ANOS1: variants seen among roughly 807,000 people sequenced by gnomAD.
ANOS1 encodes the protein anosmin 1, also known as anosmin-1.
Under a neutral mutation model 59.0 loss-of-function variants are expected in ANOS1, and 6 were observed. The observed-to-expected ratio is 0.10, with a 90% CI of 0.06 to 0.20. ANOS1 has a LOEUF of 0.20. ANOS1 is among the 10% of genes least tolerant of loss of function. ANOS1 has a pLI of 1.00. For synonymous variants in ANOS1, 217 were observed against 223.4 expected (o/e 0.97, Z 0.25); for missense variants, 433 against 542.3 (o/e 0.80, Z 2.00).
chrX:8,721,830 T>C (rs1014524745), intron 1 of ANOS1, among the ~76,000 whole-genome samples: 2 of 112,625 alleles, frequency 1.8e-5, no homozygotes, highest in African/African-American at 6.5e-5. Flanking sequence ...GGCTATTTAT[T>C]CCTTCTCTAA....
At chrX:8,664,211 G>A (rs757244417) in intron 2 of ANOS1, among the ~76,000 whole-genome samples, 1 of 112,008 alleles carries the variant, frequency 8.9e-6, no homozygotes, top group African/African-American at 3.2e-5. Context: ...TGTTTTCTGA[G>A]ATGGAGTCTC....
At chrX:8,729,135 C>A (rs925808330) in intron 1 of ANOS1, among the ~76,000 whole-genome samples, 3 of 111,705 alleles carry the variant, frequency 2.7e-5, no homozygotes, top group Non-Finnish European at 5.6e-5. Flanking sequence ...CAAGGCCTGA[C>A]AGCTTTCATA....
rs2229013 is a variant in ANOS1, at chrX:8,535,755, C to T, written c.1678G>A (p.Val560Ile). ...TGACCGGTGATGTTCACATCCTGGACGATGAATGAAGCAGAAAGGTTCTCA... is the reference window on the plus strand; with the variant it reads ...TGACCGGTGATGTTCACATCCTGGATGATGAATGAAGCAGAAAGGTTCTCA... Reference protein sequence around the residue: ...KPENLSASFIVQDVNITGHFS... With the variant: ...KPENLSASFIIQDVNITGHFS... The change falls in exon 12 of 14, where the codon GTC (valine) becomes ATC (isoleucine). Residue 560 changes from valine (V) to isoleucine (I), a missense_variant. Val to Ile is a conservative substitution (Grantham distance 29). Transcript: ENST00000262648. The T allele has an allele frequency of 2.2e-4, 266 of 1,210,346 alleles. No individual in the cohort carries two copies. In the East Asian group the frequency reaches 7.0e-3, roughly 32 times the overall value.
At chrX:8,682,220 C>T (rs1435223356) in intron 2 of ANOS1, among the ~76,000 whole-genome samples, 1 of 109,072 alleles carries the variant, frequency 9.2e-6, no homozygotes, top group Non-Finnish European at 1.9e-5. Context: ...CAAAAAACTA[C>T]AAGTCATGGC....
intron 2 of ANOS1, among the ~76,000 whole-genome samples, chrX:8,645,073 T>C (rs949861400): frequency 8.9e-6 from 1 of 112,742 alleles, no homozygotes; most frequent in African/African-American, 3.2e-5. Context: ...CCAATACTTA[T>C]TGGTTTACAA....
rs5978913 is a variant in ANOS1, at chrX:8,601,180, C to T, written c.319-3924G>A. The stretch of plus-strand genomic sequence containing the variant: ...TGCACTCCAGCCTGGGCAACCAAAG[C>T]GAGACTTTGTCTCAAAAAAAAAAAA... On this transcript the variant is annotated intron_variant, in intron 3 of 13. Coordinates refer to ENST00000262648, the MANE Select transcript of ANOS1 (RefSeq NM_000216.4). 3.0e-4 allele frequency among the ~76,000 whole-genome samples: 26 copies of T among 87,545 alleles called. No homozygotes were observed. The East Asian group carries it at 4.3e-3, about 15-fold the overall frequency. 76.0% of individuals were successfully genotyped at this position (87,545 alleles called of 115,157 possible).
intron 7 of ANOS1, among the ~76,000 whole-genome samples, 185 bp from the exon 8 acceptor site, chrX:8,568,561 C>T (rs1279790234): frequency 9.0e-6 from 1 of 110,750 alleles, no homozygotes; most frequent in Non-Finnish European, 1.9e-5. Flanking sequence ...AGGCCAGGTG[C>T]GGTGGCTCCT....
intron 3 of ANOS1, among the ~76,000 whole-genome samples, chrX:8,609,146 T>C (rs1019030035): frequency 8.9e-6 from 1 of 111,974 alleles, no homozygotes; most frequent in Non-Finnish European, 1.9e-5. Context: ...TATTGGCATC[T>C]AGTGGGTATG....
At chrX:8,581,839 T>C (rs1930430809) in intron 6 of ANOS1, among the ~76,000 whole-genome samples, 1 of 112,395 alleles carries the variant, frequency 8.9e-6, no homozygotes, top group African/African-American at 3.2e-5. Context: ...ATTTACTGTG[T>C]TGTGTAACTA....
At chrX:8,656,894 G>A (rs1422753498) in intron 2 of ANOS1, among the ~76,000 whole-genome samples, 2 of 111,915 alleles carry the variant, frequency 1.8e-5, no homozygotes, top group Non-Finnish European at 3.8e-5. Context: ...AGAGAGATCT[G>A]TTGTCCCTAC....
intron 2 of ANOS1, among the ~76,000 whole-genome samples, chrX:8,659,229 TAA>T (rs57477012): frequency 4.2e-5 from 4 of 95,520 alleles, no homozygotes; most frequent in East Asian, 3.5e-4. Context: ...TCTGTCTCAA[TAA>T]AAAAAAAAAA....
intron 2 of ANOS1, among the ~76,000 whole-genome samples, chrX:8,628,217 T>TGTCCAGAAGCTACCCTATATG (rs1931428702): frequency 8.9e-6 from 1 of 111,862 alleles, no homozygotes; most frequent in African/African-American, 3.3e-5. Context: ...GCCATGGCAA[T>TGTCCAGAAGCTACCCTATATG]GTCCAGAAGC....
chrX:8,659,112 A>T (rs959362763), intron 2 of ANOS1, among the ~76,000 whole-genome samples: 2 of 110,982 alleles, frequency 1.8e-5, no homozygotes, highest in African/African-American at 6.6e-5. Context: ...CTGTAATCCC[A>T]GCTACTCAGG....
chrX:8,545,328 AGAG>A (rs1190853089), intron 9 of ANOS1, among the ~76,000 whole-genome samples: 1 of 100,469 alleles, frequency 1.0e-5, no homozygotes, highest in African/African-American at 3.7e-5. Flanking sequence ...GGAAAGGAAA[AGAG>A]GAGAGGAGAA....
chrX:8,553,477 C>T (rs773571504), intron 9 of ANOS1, among the ~76,000 whole-genome samples: 2 of 111,050 alleles, frequency 1.8e-5, no homozygotes, highest in South Asian at 7.6e-4. Flanking sequence ...GTTTTAAAAA[C>T]ACACTCACAC....
Position 8,616,037 on chromosome X carries a change from CT to C in ANOS1, c.318+7570del, listed in dbSNP as rs1314978345. 1.1e-4 allele frequency among the ~76,000 whole-genome samples: 10 copies of C among 88,936 alleles called. No homozygotes were observed. The East Asian group carries it at 2.0e-3, about 18-fold the overall frequency. 77.2% of individuals were successfully genotyped at this position (88,936 alleles called of 115,157 possible). ...TCTTCCCACAATCTCATTTGCGCCC[CT>C]GATCACTTTTTTTTTTTACAGTAAT... On this transcript the variant is annotated intron_variant, in intron 3 of 13. Coordinates refer to ENST00000262648, the MANE Select transcript of ANOS1 (RefSeq NM_000216.4).
chrX:8,730,509 A>G (rs1169523164), intron 1 of ANOS1, among the ~76,000 whole-genome samples: 1 of 112,499 alleles, frequency 8.9e-6, no homozygotes, highest in African/African-American at 3.2e-5. Flanking sequence ...GGGTAAGGGG[A>G]ATCACTTCCA....
intron 1 of ANOS1, among the ~76,000 whole-genome samples, chrX:8,731,509 C>T (rs990335198): frequency 9.0e-6 from 1 of 111,730 alleles, no homozygotes; most frequent in Non-Finnish European, 1.9e-5. Flanking sequence ...CACTCCAATT[C>T]CCGGGAAACC....
chrX:8,566,384 T>C (rs1043165665), intron 8 of ANOS1, among the ~76,000 whole-genome samples: 11 of 111,845 alleles, frequency 9.8e-5, no homozygotes, highest in African/African-American at 3.3e-4. Context: ...TGTATAGTTA[T>C]GTGCGTGTTT....
Sources: allele counts gnomAD v4.1 joint callset (sites outside exome capture counted in the v4.1 genomes callset), GRCh38; gene constraint gnomAD v4.1.1; transcripts MANE v1.5; gene names NCBI Gene and HGNC (gene_info 2026-07-23, HGNC 2026-07-21).